Variants in NCAM2 observed in about 807,000 individuals in gnomAD.
NCAM2 encodes neural cell adhesion molecule 2.
NCAM2 carries 30 observed loss-of-function variants against 98.1 expected under a neutral mutation model. The observed-to-expected ratio is 0.31, with a 90% CI of 0.23 to 0.41. The LOEUF is 0.41. Ranked by LOEUF, NCAM2 falls within the 10% of genes least tolerant of loss-of-function variation. The pLI is 1.00. For missense variants in NCAM2, 867 were observed against 1,005.8 expected (o/e 0.86, Z 1.87); for synonymous variants, 368 against 342.4 (o/e 1.07, Z -0.83).
chr21:21,042,672 G>A (rs1237266958), intron 1 of NCAM2, among the ~76,000 whole-genome samples: 2 of 152,078 alleles, frequency 1.3e-5, no homozygotes, highest in African/African-American at 4.8e-5. Context: ...GCTCCCCTCA[G>A]GCCCTTCATT....
In NCAM2 at chr21:21,495,518, T is replaced by A. The variant is rs137934095; in HGVS notation, c.2078-13333T>A. Reference sequence around the variant, plus strand: ...TTCCCTCCAATGACTCCCTACCATCTTTTGGAAAATGATCACAATTTCTAG... The same window carrying A: ...TTCCCTCCAATGACTCCCTACCATCATTTGGAAAATGATCACAATTTCTAG... On this transcript the variant is annotated intron_variant, in intron 15 of 17. Coordinates refer to ENST00000400546, the MANE Select transcript of NCAM2 (RefSeq NM_004540.5). 1.9e-3 allele frequency among the ~76,000 whole-genome samples: 288 copies of A among 152,172 alleles called. 2 individuals carry two copies. The highest frequency in any genetic ancestry group is 6.8e-3 in the African/African-American group (283 of 41,564).
chr21:21,096,476 A>G (rs2066126222), intron 1 of NCAM2, among the ~76,000 whole-genome samples: 1 of 151,794 alleles, frequency 6.6e-6, no homozygotes, highest in Admixed American at 6.6e-5. Flanking sequence ...AGAAATGTGT[A>G]GAAAGATAAA....
chr21:21,461,203 TAAG>T (rs1377799738), intron 12 of NCAM2, among the ~76,000 whole-genome samples: 1 of 151,916 alleles, frequency 6.6e-6, no homozygotes, highest in African/African-American at 2.4e-5. Flanking sequence ...TTACGTATAC[TAAG>T]AAGTATTATA....
At chr21:21,492,189 G>A (rs916409143) in intron 15 of NCAM2, among the ~76,000 whole-genome samples, 1 of 151,944 alleles carries the variant, frequency 6.6e-6, no homozygotes, top group Non-Finnish European at 1.5e-5. Flanking sequence ...CATTGATATA[G>A]TCAAGCAACT....
intron 8 of NCAM2, among the ~76,000 whole-genome samples, chr21:21,351,837 A>G (rs796268646): frequency 2.1e-4 from 32 of 152,100 alleles, no homozygotes; most frequent in African/African-American, 7.2e-4. Flanking sequence ...ACCTCTCCCT[A>G]CCAGGTTCCA....
intron 1 of NCAM2, among the ~76,000 whole-genome samples, chr21:21,028,771 A>G (rs78121767): frequency 0.016 from 2,380 of 152,336 alleles, 24 homozygotes; most frequent in Middle Eastern, 0.034. Flanking sequence ...TGTAAAAATC[A>G]GTGTTTCCAT....
At chr21:21,336,826 G>A (rs1304568168) in intron 7 of NCAM2, among the ~76,000 whole-genome samples, 1 of 152,122 alleles carries the variant, frequency 6.6e-6, no homozygotes, top group Non-Finnish European at 1.5e-5. Context: ...AAAGAAATTG[G>A]ATAAATCAGG....
intron 1 of NCAM2, among the ~76,000 whole-genome samples, chr21:21,231,403 G>C (rs1230184366): frequency 6.6e-6 from 1 of 151,126 alleles, no homozygotes; most frequent in Non-Finnish European, 1.5e-5. Flanking sequence ...AACAGTATAA[G>C]ACTTTCACTT....
chr21:21,462,270 G>A (rs571272177), intron 12 of NCAM2, among the ~76,000 whole-genome samples: 3 of 152,158 alleles, frequency 2.0e-5, no homozygotes, highest in Admixed American at 2.0e-4. Context: ...TGGGGAGACT[G>A]TAATTGCTTA....
chr21:21,517,191 A>G (rs541624727), intron 16 of NCAM2, among the ~76,000 whole-genome samples: 1 of 152,296 alleles, frequency 6.6e-6, no homozygotes, highest in South Asian at 2.1e-4. Context: ...TTCTAGCTCA[A>G]TAAAGATTTT....
chr21:21,353,510 T>C (rs548577459), intron 8 of NCAM2, among the ~76,000 whole-genome samples: 1 of 152,286 alleles, frequency 6.6e-6, no homozygotes, highest in South Asian at 2.1e-4. Flanking sequence ...TCGCCATCCA[T>C]ACAGGCGAGT....
At chr21:21,216,845 T>C (rs1388787547) in intron 1 of NCAM2, among the ~76,000 whole-genome samples, 1 of 152,160 alleles carries the variant, frequency 6.6e-6, no homozygotes, top group Admixed American at 6.5e-5. Context: ...CCCTGGGTAA[T>C]AGGCCAGAGC....
intron 5 of NCAM2, among the ~76,000 whole-genome samples, chr21:21,311,309 G>A (rs1251931349): frequency 6.7e-6 from 1 of 149,136 alleles, no homozygotes. Flanking sequence ...ATGACTTTAT[G>A]CAAAAGATGG....
intron 16 of NCAM2, among the ~76,000 whole-genome samples, chr21:21,526,165 T>C (rs1257421938): frequency 6.6e-6 from 1 of 151,986 alleles, no homozygotes; most frequent in Non-Finnish European, 1.5e-5. Flanking sequence ...AAAAGGCATA[T>C]TGATTGGGAA....
Position 21,340,153 on chromosome 21 carries a change from A to G in NCAM2, c.1044+1619A>G, listed in dbSNP as rs181733966. Among the ~76,000 whole-genome samples, 500 of 152,010 alleles carry G rather than the reference A, an allele frequency of 3.3e-3. 6 individuals are homozygous for G. Among genetic ancestry groups the G allele is most frequent in the Non-Finnish European group, 7.5e-4 (51 of 67,796 alleles). ...TTGTTTCAATTTTGCATGTTTATTTAGATTAGATCACTCAAAAGTATTTAC... is the reference window on the plus strand; with the variant it reads ...TTGTTTCAATTTTGCATGTTTATTTGGATTAGATCACTCAAAAGTATTTAC... On this transcript the variant is annotated intron_variant, in intron 8 of 17. Coordinates refer to ENST00000400546, the MANE Select transcript of NCAM2 (RefSeq NM_004540.5).
chr21:21,042,405 A>C (rs2064924477), intron 1 of NCAM2, among the ~76,000 whole-genome samples: 1 of 152,086 alleles, frequency 6.6e-6, no homozygotes. Context: ...GCTGGTCTCA[A>C]ACTCCTGACC....
At chr21:21,468,212 A>G (rs2146219685) in intron 13 of NCAM2, among the ~76,000 whole-genome samples, 1 of 152,172 alleles carries the variant, frequency 6.6e-6, no homozygotes, top group South Asian at 2.1e-4. Context: ...AAGCACATTT[A>G]CTAATTGCAA....
rs779053717 is a variant in NCAM2, at chr21:21,135,017, G to A, written c.55+136399G>A. On this transcript the variant is annotated intron_variant, in intron 1 of 17. Transcript: ENST00000400546. ...TGGGAGGCCGAGGCGGGCAGATCAC[G>A]AGGTCAGGAGATCAAGACCAATCCT... Among the ~76,000 whole-genome samples the A allele has an allele frequency of 2.8e-5, 4 of 144,072 alleles. No individual in the cohort carries two copies. The East Asian group carries it at 6.2e-4, about 22-fold the overall frequency. The allele number at this position is 144,072 out of a possible 152,430, so 94.5% of individuals were successfully genotyped here.
chr21:21,243,922 G>A (rs936055108), intron 1 of NCAM2, among the ~76,000 whole-genome samples: 14 of 152,174 alleles, frequency 9.2e-5, no homozygotes, highest in African/African-American at 3.4e-4. Flanking sequence ...GTTACTGTAT[G>A]CCCATAAGGA....
Sources: gnomAD v4.1 joint callset for allele counts (sites outside exome capture counted in the v4.1 genomes callset) on GRCh38, gnomAD v4.1.1 for gene constraint, MANE v1.5 for transcripts, NCBI Gene and HGNC (gene_info 2026-07-23, HGNC 2026-07-21) for gene names.